The following RGS7 variants were observed in gnomAD, a reference collection of about 807,000 sequenced individuals.
RGS7 encodes the protein regulator of G-protein signaling 7.
Under a neutral mutation model 81.1 loss-of-function variants are expected in RGS7, and 27 were observed. The ratio of observed to expected loss-of-function variants is 0.33; its 90% confidence interval spans 0.25 to 0.46. RGS7 has a LOEUF of 0.46. Among genes scored for constraint, RGS7 ranks in the 20% least tolerant of loss-of-function variants. RGS7 has a pLI of 1.00. For missense variants in RGS7, 396 were observed against 607.4 expected, an observed-to-expected ratio of 0.65 and a Z score of 3.66; for synonymous variants, 208 against 207.7, an observed-to-expected ratio of 1.00 and a Z score of -0.01.
At chr1:241,353,662 C>A (rs1394040640) in intron 2 of RGS7, among the ~76,000 whole-genome samples, 1 of 151,966 alleles carries the variant, frequency 6.6e-6, no homozygotes, top group Non-Finnish European at 1.5e-5. Context: ...TAATAATAAG[C>A]AAAAAGCTAA....
intron 9 of RGS7, among the ~76,000 whole-genome samples, chr1:240,855,688 C>T (rs1003015158): frequency 2.6e-5 from 4 of 152,070 alleles, no homozygotes; most frequent in Non-Finnish European, 5.9e-5. Flanking sequence ...GTTAGCTACC[C>T]TATGTTTAAC....
intron 6 of RGS7, among the ~76,000 whole-genome samples, chr1:240,898,136 T>A (rs1315770828): frequency 1.3e-5 from 2 of 152,202 alleles, no homozygotes; most frequent in Non-Finnish European, 2.9e-5. Flanking sequence ...ATATACCCTT[T>A]ATCATTTTTT....
At chr1:241,020,882 C>A (rs1451011900) in intron 3 of RGS7, among the ~76,000 whole-genome samples, 1 of 152,106 alleles carries the variant, frequency 6.6e-6, no homozygotes, top group African/African-American at 2.4e-5. Context: ...TCAAGGGGAT[C>A]ACAATATTTT....
chr1:241,272,095 G>A (rs1397413277), intron 2 of RGS7, among the ~76,000 whole-genome samples: 1 of 151,460 alleles, frequency 6.6e-6, no homozygotes, highest in South Asian at 2.1e-4. Flanking sequence ...CCGGGTTCAC[G>A]CCATTCTCCT....
chr1:241,280,122 GATA>G (rs2078420915), intron 2 of RGS7, among the ~76,000 whole-genome samples: 1 of 152,162 alleles, frequency 6.6e-6, no homozygotes, highest in African/African-American at 2.4e-5. Context: ...CATTAGTTGA[GATA>G]ATGTCATACT....
chr1:240,955,724 A>T (rs772439699), intron 4 of RGS7, among the ~76,000 whole-genome samples: 2 of 152,230 alleles, frequency 1.3e-5, no homozygotes, highest in Non-Finnish European at 2.9e-5. Flanking sequence ...GAGTCAATTG[A>T]TTTTAGACAA....
chr1:241,046,412 C>G (rs905235198), intron 3 of RGS7, among the ~76,000 whole-genome samples: 12 of 151,906 alleles, frequency 7.9e-5, no homozygotes, highest in African/African-American at 2.9e-4. Context: ...TACATGTTCT[C>G]ACTTATAACT....
chr1:241,098,813 A>G (rs2064495531), intron 2 of RGS7, 51 bp from the exon 3 acceptor site: 1 of 1,342,958 alleles, frequency 7.4e-7, no homozygotes, highest in South Asian at 1.2e-5. Context: ...ACTTTTTTGA[A>G]AAAAAATCAG....
intron 2 of RGS7, among the ~76,000 whole-genome samples, chr1:241,134,123 A>G (rs1371821331): frequency 1.3e-5 from 2 of 152,228 alleles, no homozygotes; most frequent in African/African-American, 2.4e-5. Flanking sequence ...ATTTAAATTT[A>G]GAATAATTTA....
intron 2 of RGS7, among the ~76,000 whole-genome samples, chr1:241,259,839 C>T (rs1177305943): frequency 6.6e-6 from 1 of 151,586 alleles, no homozygotes; most frequent in African/African-American, 2.4e-5. Flanking sequence ...ACTGATGCCA[C>T]TATACTTAAT....
intron 2 of RGS7, among the ~76,000 whole-genome samples, chr1:241,102,298 G>A (rs1251336574): frequency 6.6e-6 from 1 of 152,072 alleles, no homozygotes; most frequent in African/African-American, 2.4e-5. Context: ...GAAAATTCTA[G>A]CCCTCAAATG....
At chr1:240,992,871 C>T (rs1021678716) in intron 3 of RGS7, among the ~76,000 whole-genome samples, 8 of 150,794 alleles carry the variant, frequency 5.3e-5, no homozygotes, top group East Asian at 2.0e-4. Context: ...AAATATTAGC[C>T]GGGCATGGTG....
chr1:240,801,973 C>G (rs963203949), intron 16 of RGS7, among the ~76,000 whole-genome samples: 3 of 152,110 alleles, frequency 2.0e-5, no homozygotes, highest in Admixed American at 2.0e-4. Flanking sequence ...AATACAGAAG[C>G]CCCTAGCTGT....
At chr1:240,886,565 T>C (rs1299960785) in intron 6 of RGS7, among the ~76,000 whole-genome samples, 1 of 152,122 alleles carries the variant, frequency 6.6e-6, no homozygotes, top group Non-Finnish European at 1.5e-5. Flanking sequence ...CTTGATTCCT[T>C]CCCATTCCCA....
chr1:241,279,486 T>C (rs1378422247), intron 2 of RGS7, among the ~76,000 whole-genome samples: 1 of 152,272 alleles, frequency 6.6e-6, no homozygotes, highest in Non-Finnish European at 1.5e-5. Flanking sequence ...CTATATATTT[T>C]TTGTATTAAA....
intron 10 of RGS7, among the ~76,000 whole-genome samples, chr1:240,825,215 C>T (rs577770941): frequency 6.6e-6 from 1 of 152,244 alleles, no homozygotes; most frequent in Admixed American, 6.5e-5. Context: ...CTGTGGAGTA[C>T]CTAAAGCCCA....
intron 5 of RGS7, 73 bp from the exon 6 acceptor site, chr1:240,930,841 C>T (rs753850103): frequency 3.8e-4 from 510 of 1,334,422 alleles, no homozygotes; most frequent in Non-Finnish European, 5.2e-4. Context: ...CAGTGAATTA[C>T]ATTTATCTTC....
chr1:240,792,578 G>T (rs2103015781), intron 18 of RGS7, among the ~76,000 whole-genome samples: 1 of 152,156 alleles, frequency 6.6e-6, no homozygotes, highest in African/African-American at 2.4e-5. Context: ...CTCCTGCAGG[G>T]CCCCACTGTT....
chr1:241,192,893 T>C (rs1301557916), intron 2 of RGS7, among the ~76,000 whole-genome samples: 2 of 152,150 alleles, frequency 1.3e-5, no homozygotes, highest in African/African-American at 4.8e-5. Context: ...CATATTATAC[T>C]GACTTGAAAA....
Sources: allele counts gnomAD v4.1 joint callset (sites outside exome capture counted in the v4.1 genomes callset), GRCh38; gene constraint gnomAD v4.1.1; transcripts MANE v1.5; gene names NCBI Gene and HGNC (gene_info 2026-07-23, HGNC 2026-07-21).